Variants in ERC2 observed in about 807,000 individuals in gnomAD.
ERC2 encodes ELKS/RAB6-interacting/CAST family member 2, also known as ERC protein 2.
A neutral mutation model predicts 114.8 loss-of-function variants in ERC2; 42 were observed. That is an observed-to-expected ratio of 0.37 (90% CI 0.29 to 0.47). The LOEUF is 0.47. Ranked by LOEUF, ERC2 falls within the 20% of genes least tolerant of loss-of-function variation. The probability of loss-of-function intolerance (pLI) is 0.99; values close to 1 mark genes in which losing one functional copy is unlikely to be tolerated. For synonymous variants in ERC2, 454 were observed against 425.5 expected (o/e 1.07, Z -0.82); for missense variants, 939 against 1,150.7 (o/e 0.82, Z 2.66).
intron 3 of ERC2, among the ~76,000 whole-genome samples, chr3:56,216,797 T>C (rs1388134215): frequency 6.6e-6 from 1 of 152,146 alleles, no homozygotes; most frequent in Non-Finnish European, 1.5e-5. Context: ...TCCACCATGA[T>C]CAGGTGGGCT....
At chr3:55,735,711 T>C (rs942480506) in intron 14 of ERC2, among the ~76,000 whole-genome samples, 1 of 152,162 alleles carries the variant, frequency 6.6e-6, no homozygotes, top group Non-Finnish European at 1.5e-5. Flanking sequence ...AGTAAGCTTC[T>C]AGATACTCTG....
chr3:55,657,781 T>C (rs2060942261), intron 17 of ERC2: 1 of 152,220 alleles, frequency 6.6e-6, no homozygotes, highest in Non-Finnish European at 1.5e-5. Flanking sequence ...TCTTAACTTC[T>C]CTGGTCTAGG....
chr3:55,528,910 G>T (rs1256326907), intron 17 of ERC2, among the ~76,000 whole-genome samples: 1 of 152,180 alleles, frequency 6.6e-6, no homozygotes, highest in Non-Finnish European at 1.5e-5. Context: ...GGATGGGGTT[G>T]CTCCCGGTTG....
rs76148270 is a variant in ERC2 at position 55,906,986 on chromosome 3, T to C, written c.2404-18437A>G. 4.4e-3 allele frequency among the ~76,000 whole-genome samples: 673 copies of C among 152,264 alleles called. 5 individuals carry two copies. The highest frequency in any genetic ancestry group is 6.3e-3 in the Non-Finnish European group (431 of 68,014). ...GTGATGGCCCAGATGATAGGGGTGCTTGCCTCCCAGTCTTCATCTTGAGGG... is the reference window on the plus strand; with the variant it reads ...GTGATGGCCCAGATGATAGGGGTGCCTGCCTCCCAGTCTTCATCTTGAGGG... On this transcript the variant is annotated intron_variant, in intron 13 of 17. Coordinates refer to ENST00000288221, the MANE Select transcript of ERC2 (RefSeq NM_015576.3).
intron 12 of ERC2, chr3:55,955,247 T>TG (rs1491437703): frequency 5.1e-5 from 22 of 433,472 alleles, no homozygotes; most frequent in Middle Eastern, 3.3e-4. Context: ...TGGTGGTGTG[T>TG]TTGTGTGTGT....
chr3:56,050,212 A>G (rs7651932), intron 7 of ERC2, among the ~76,000 whole-genome samples: 23,067 of 152,186 alleles, frequency 0.15, 1,889 homozygotes, highest in African/African-American at 0.18. Flanking sequence ...TAATATCTCA[A>G]GCTTTTTAAG....
At chr3:55,695,887 T>C (rs1289961727) in intron 16 of ERC2, among the ~76,000 whole-genome samples, 1 of 152,194 alleles carries the variant, frequency 6.6e-6, no homozygotes. Context: ...TTAAATTAAA[T>C]TGGGGAGCTT....
Position 56,219,403 on chromosome 3 carries a change from T to C in ERC2, c.1075-45883A>G, listed in dbSNP as rs112607571. Among the ~76,000 whole-genome samples the C allele has an allele frequency of 6.2e-3, 949 of 152,252 alleles. 4 individuals carry two copies. The highest frequency in any genetic ancestry group is 0.01 in the Middle Eastern group (3 of 294). On this transcript the variant is annotated intron_variant, in intron 3 of 17. Transcript: ENST00000288221. ...GTGATGGAGCCATTCATTTACTTCT[T>C]AAACAGACATCTGGGGAATGTCTGT...
chr3:55,860,787 TAC>T (rs1334635883), intron 14 of ERC2, among the ~76,000 whole-genome samples: 4 of 152,210 alleles, frequency 2.6e-5, no homozygotes, highest in Non-Finnish European at 5.9e-5. Context: ...TTAATTAGAT[TAC>T]CTTTTTTAGT....
At chr3:56,410,594 G>T (rs2060903978) in intron 2 of ERC2, among the ~76,000 whole-genome samples, 1 of 152,168 alleles carries the variant, frequency 6.6e-6, no homozygotes, top group Admixed American at 6.5e-5. Context: ...CAAGAATTTT[G>T]AGTTTTCTGG....
intron 6 of ERC2, among the ~76,000 whole-genome samples, chr3:56,109,385 C>A (rs770185804): frequency 1.5e-4 from 23 of 150,886 alleles, no homozygotes; most frequent in Non-Finnish European, 1.3e-4. Flanking sequence ...GTATTCCATG[C>A]TGTATATGTA....
At chr3:55,955,248 T>TTTTG in intron 12 of ERC2, 1 of 359,198 alleles carries the variant, frequency 2.8e-6, no homozygotes, top group Non-Finnish European at 5.7e-6. Context: ...GGTGGTGTGT[T>TTTTG]TGTGTGTGTG....
chr3:56,158,759 A>G lies in ERC2; in HGVS notation c.1150-9627T>C, dbSNP rs558978651. Reference sequence around the variant, plus strand: ...AAAAAAAAAACCAAGAATTTAAAAAATAGGGCATTTTCAAGATTTCTGATT... The same window carrying G: ...AAAAAAAAAACCAAGAATTTAAAAAGTAGGGCATTTTCAAGATTTCTGATT... On this transcript the variant is annotated intron_variant, in intron 4 of 17. Coordinates refer to ENST00000288221, the MANE Select transcript of ERC2 (RefSeq NM_015576.3). Among the ~76,000 whole-genome samples the G allele has an allele frequency of 2.6e-5, 4 of 152,284 alleles. No homozygotes were observed. The South Asian group carries it at 6.2e-4, about 24-fold the overall frequency.
intron 14 of ERC2, among the ~76,000 whole-genome samples, chr3:55,822,653 C>T (rs2060174577): frequency 6.7e-6 from 1 of 150,318 alleles, no homozygotes; most frequent in South Asian, 2.1e-4. Context: ...CAAGCTCCGC[C>T]TCCTGGGTTC....
chr3:56,271,835 GAGAACAT>G (rs2053672890), intron 3 of ERC2, among the ~76,000 whole-genome samples: 1 of 152,094 alleles, frequency 6.6e-6, no homozygotes, highest in Non-Finnish European at 1.5e-5. Context: ...TGTTATAAGT[GAGAACAT>G]GCAGTATTTG....
At chr3:55,624,683 T>G (rs114461120) in intron 17 of ERC2, among the ~76,000 whole-genome samples, 1 of 152,166 alleles carries the variant, frequency 6.6e-6, no homozygotes, top group Admixed American at 6.5e-5. Flanking sequence ...CTTTTTCCTC[T>G]GCAAAATGGG....
intron 2 of ERC2, among the ~76,000 whole-genome samples, chr3:56,314,872 G>C (rs1168981690): frequency 6.6e-6 from 1 of 152,038 alleles, no homozygotes; most frequent in Non-Finnish European, 1.5e-5. Context: ...CAAACTCTCA[G>C]CACAAAACTC....
intron 6 of ERC2, among the ~76,000 whole-genome samples, chr3:56,130,106 G>A (rs868152897): frequency 2.6e-5 from 4 of 152,160 alleles, no homozygotes; most frequent in Non-Finnish European, 5.9e-5. Context: ...TACAAAAAGA[G>A]TACTGTAAAA....
intron 17 of ERC2, among the ~76,000 whole-genome samples, chr3:55,615,511 G>T (rs137983635): frequency 6.6e-6 from 1 of 152,256 alleles, no homozygotes; most frequent in Non-Finnish European, 1.5e-5. Context: ...TCCATTGTTG[G>T]TCACAATCAC....
Sources: gnomAD v4.1 joint callset for allele counts (sites outside exome capture counted in the v4.1 genomes callset) on GRCh38, gnomAD v4.1.1 for gene constraint, MANE v1.5 for transcripts, NCBI Gene and HGNC (gene_info 2026-07-23, HGNC 2026-07-21) for gene names.